The following DAZL variants were observed in gnomAD, a reference collection of about 807,000 sequenced individuals.
DAZL encodes deleted in azoospermia like, also known as deleted in azoospermia-like.
Under a neutral mutation model 45.0 loss-of-function variants are expected in DAZL, and 4 were observed. The observed-to-expected ratio is 0.09, with a 90% CI of 0.04 to 0.20. The LOEUF (loss-of-function observed/expected upper bound fraction) is 0.20. DAZL is among the 10% of genes least tolerant of loss of function. The pLI, the probability that DAZL is intolerant of heterozygous loss-of-function variation, is 1.00. For synonymous variants in DAZL, 122 were observed against 112.4 expected (o/e 1.09, Z -0.54); for missense variants, 326 against 351.3 (o/e 0.93, Z 0.58).
intron 1 of DAZL, among the ~76,000 whole-genome samples, chr3:16,602,413 A>T (rs2125048987): frequency 6.6e-6 from 1 of 152,320 alleles, no homozygotes; most frequent in Non-Finnish European, 1.5e-5. Context: ...ACTTGGGTGT[A>T]TGTTTGTGTC....
rs1202399195 is a variant in DAZL at position 16,605,397 on chromosome 3, C to T, written c.-192G>A. 1.1e-5 allele frequency: 8 copies of T among 704,756 alleles called. No homozygotes were observed. Among genetic ancestry groups the T allele is most frequent in the South Asian group, 5.0e-5 (3 of 60,218 alleles). The allele number at this position is 704,756 out of a possible 1,614,324, so 43.7% of individuals were successfully genotyped here. ...GGCTGAGGAGCCCCGAAAGGCGGAC[C>T]GTCAGGCTGAGGAGCGCAGGCGGAC... On this transcript the variant is annotated 5_prime_UTR_variant, in exon 1 of 11. Coordinates refer to ENST00000399444, the MANE Select transcript of DAZL (RefSeq NM_001351.4).
intron 10 of DAZL, among the ~76,000 whole-genome samples, chr3:16,589,901 A>T (rs1694491799): frequency 9.2e-6 from 1 of 108,540 alleles, no homozygotes; most frequent in African/African-American, 3.2e-5. Flanking sequence ...CTGTCTCTTA[A>T]AAAAAAAAAA....
Position 16,593,679 on chromosome 3 carries a change from T to C in DAZL, c.711A>G (p.Pro237=). Reference sequence around the variant, plus strand: ...CCTTTTGTGGGCCATTTCCAGAGGGTGGAGTAGCTTCATGAACTGAACATT... The same window carrying C: ...CCTTTTGTGGGCCATTTCCAGAGGGCGGAGTAGCTTCATGAACTGAACATT... ...PNECSVHEAT[P]PSGNGPQKKS... is the part of the protein sequence containing the mutation. The change falls in exon 9 of 11, where the codon CCA becomes CCG. Residue 237 remains proline (P), a synonymous_variant. Coordinates refer to ENST00000399444, the MANE Select transcript of DAZL (RefSeq NM_001351.4). 6.2e-7 allele frequency: 1 copy of C among 1,610,926 alleles called. No individual in the cohort carries two copies. Among genetic ancestry groups the C allele is most frequent in the Non-Finnish European group, 8.5e-7 (1 of 1,178,042 alleles).
Position 16,586,895 on chromosome 3 carries a change from G to T in DAZL, c.*1765C>A, listed in dbSNP as rs1694445946. On this transcript the variant is annotated 3_prime_UTR_variant, in exon 11 of 11. Coordinates refer to ENST00000399444, the MANE Select transcript of DAZL (RefSeq NM_001351.4). The stretch of plus-strand genomic sequence containing the variant: ...TAGAATTAATTTTCCATTTTGAAAG[G>T]TTCAGGACTTTATCTTTTTTACCCT... 1 of 152,082 alleles carries T rather than the reference G, an allele frequency of 6.6e-6. No homozygotes were observed. Among genetic ancestry groups the T allele is most frequent in the Non-Finnish European group, 1.5e-5 (1 of 67,986 alleles). The allele number at this position is 152,082 out of a possible 1,614,324, so 9.4% of individuals were successfully genotyped here. A position where few individuals can be genotyped will look rare whatever the true frequency, so the allele number is the denominator to read the frequency against.
intron 3 of DAZL, 60 bp from the exon 4 acceptor site, chr3:16,597,601 T>C: frequency 9.8e-7 from 1 of 1,022,582 alleles, no homozygotes; most frequent in Non-Finnish European, 1.6e-6. Context: ...GTTCAGAACT[T>C]CTACTATATA....
intron 1 of DAZL, chr3:16,604,327 C>G (rs2125049945): frequency 1.0e-6 from 1 of 969,934 alleles, no homozygotes; most frequent in African/African-American, 1.6e-5. Context: ...GCACACCCAA[C>G]GCTATCTACC....
In DAZL at chr3:16,590,469, A is replaced by G. The variant is rs1157902956; in HGVS notation, c.834+1581T>C. 2.0e-5 allele frequency among the ~76,000 whole-genome samples: 3 copies of G among 152,334 alleles called. No homozygotes were observed. In the East Asian group the frequency reaches 5.8e-4, roughly 29 times the overall value. On this transcript the variant is annotated intron_variant, in intron 10 of 10. Transcript: ENST00000399444. ...CCTTTTGAATGTAAAGTGTGTAGCC[A>G]GTTTTGACAAATTCTGGCAGTTCCA...
intron 1 of DAZL, among the ~76,000 whole-genome samples, chr3:16,603,670 A>C (rs1694728124): frequency 1.3e-5 from 2 of 152,190 alleles, no homozygotes; most frequent in Non-Finnish European, 2.9e-5. Context: ...TTTAATATTG[A>C]AAAAGTATTC....
At chr3:16,590,146 T>C (rs1694495188) in intron 10 of DAZL, among the ~76,000 whole-genome samples, 1 of 152,190 alleles carries the variant, frequency 6.6e-6, no homozygotes, top group Admixed American at 6.5e-5. Flanking sequence ...ACCTATGTAA[T>C]CATCAGAACT....
At chr3:16,597,211 T>C (rs1326511141) in intron 4 of DAZL, among the ~76,000 whole-genome samples, 160 bp from the exon 5 acceptor site, 1 of 152,130 alleles carries the variant, frequency 6.6e-6, no homozygotes, top group African/African-American at 2.4e-5. Context: ...ACCTTACCCT[T>C]ATTTCTCTAA....
At chr3:16,591,163 T>C (rs1694511923) in intron 10 of DAZL, among the ~76,000 whole-genome samples, 1 of 152,170 alleles carries the variant, frequency 6.6e-6, no homozygotes, top group Admixed American at 6.5e-5. Context: ...CCTTTAGTCC[T>C]GTACCTTCTC....
chr3:16,596,169 C>T (rs1395127937), intron 6 of DAZL, among the ~76,000 whole-genome samples: 1 of 151,862 alleles, frequency 6.6e-6, no homozygotes, highest in African/African-American at 2.4e-5. Flanking sequence ...TAAACTAAAT[C>T]GTTAAATAAA....
chr3:16,602,630 A>G (rs1694709500), intron 1 of DAZL, among the ~76,000 whole-genome samples: 2 of 152,258 alleles, frequency 1.3e-5, no homozygotes. Context: ...AAATTCCAGC[A>G]GTATATAAAG....
rs1694527568 is a variant in DAZL, at chr3:16,592,074, AAC to A, written c.808_809del (p.Val270CysfsTer5). 1 of 1,613,576 alleles carries A rather than the reference AAC, an allele frequency of 6.2e-7. No individual in the cohort carries two copies. Among genetic ancestry groups the A allele is most frequent in the Admixed American group, 1.7e-5 (1 of 59,972 alleles). On this transcript the variant is annotated frameshift_variant, in exon 10 of 11. Coordinates refer to ENST00000399444, the MANE Select transcript of DAZL (RefSeq NM_001351.4). LOFTEE classifies it high-confidence loss of function. ...FNPENRLRNS[V>X]VTQDDYFKDK... is the part of the protein sequence containing the mutation. ...CCTTGAAGTAGTCATCTTGAGTAACAACAGAGTTTCTCAGTCTGTTCTCTGGA... is the reference window on the plus strand; with the variant it reads ...CCTTGAAGTAGTCATCTTGAGTAACAAGAGTTTCTCAGTCTGTTCTCTGGA...
chr3:16,603,811 A>C (rs1694730998), intron 1 of DAZL, among the ~76,000 whole-genome samples: 1 of 152,218 alleles, frequency 6.6e-6, no homozygotes, highest in Admixed American at 6.5e-5. Flanking sequence ...GCACGGTGTA[A>C]CTCTTGTAAA....
chr3:16,605,085 G>T, intron 1 of DAZL, 118 bp downstream of exon 1: 1 of 1,317,020 alleles, frequency 7.6e-7, no homozygotes, highest in Non-Finnish European at 1.1e-6. Context: ...CGTCCAGGCA[G>T]GTGCCCCCCA....
intron 9 of DAZL, among the ~76,000 whole-genome samples, chr3:16,592,570 G>A (rs1260380175): frequency 5.3e-5 from 4 of 76,068 alleles, no homozygotes; most frequent in African/African-American, 1.9e-4. Flanking sequence ...CTCTGTCTTG[G>A]GGAAAAAAAA....
At chr3:16,603,582 A>G (rs1013668903) in intron 1 of DAZL, among the ~76,000 whole-genome samples, 1 of 152,100 alleles carries the variant, frequency 6.6e-6, no homozygotes, top group African/African-American at 2.4e-5. Flanking sequence ...CCTGACCTCA[A>G]GTGATCCACC....
intron 9 of DAZL, 87 bp from the exon 10 acceptor site, chr3:16,592,235 A>G: frequency 6.5e-7 from 1 of 1,542,244 alleles, no homozygotes; most frequent in Non-Finnish European, 8.9e-7. Context: ...TAATGAATAT[A>G]TTACTTTATT....
Sources: gnomAD v4.1 joint callset for allele counts (sites outside exome capture counted in the v4.1 genomes callset) on GRCh38, gnomAD v4.1.1 for gene constraint, MANE v1.5 for transcripts, NCBI Gene and HGNC (gene_info 2026-07-23, HGNC 2026-07-21) for gene names.